TNS1: variants seen among roughly 807,000 people sequenced by gnomAD.
The protein encoded by TNS1 is tensin 1.
TNS1 carries 62 observed loss-of-function variants against 168.6 expected under a neutral mutation model. That is an observed-to-expected ratio of 0.37 (90% CI 0.30 to 0.45). The LOEUF (loss-of-function observed/expected upper bound fraction) is 0.45. TNS1 is among the 20% of genes least tolerant of loss of function. The pLI, the probability that TNS1 is intolerant of heterozygous loss-of-function variation, is 1.00. For synonymous variants in TNS1, 934 were observed against 933.2 expected, an observed-to-expected ratio of 1.00 and a Z score of -0.02; for missense variants, 2,240 against 2,339.4, an observed-to-expected ratio of 0.96 and a Z score of 0.88.
At chr2:217,977,642 C>T (rs1281101089) in intron 3 of TNS1, among the ~76,000 whole-genome samples, 1 of 152,178 alleles carries the variant, frequency 6.6e-6, no homozygotes. Context: ...ATTGAATTCT[C>T]ACAACAACTT....
In TNS1 at chr2:217,893,400, G is replaced by GCGCA. The variant is rs58297965; in HGVS notation, c.717+38_717+39insTGCG. Reference sequence around the variant, plus strand: ...CACACATGTGCGCATGTGCGCGCGCGCACACACACACACACACACACACAC... The same window carrying GCGCA: ...CACACATGTGCGCATGTGCGCGCGCGCGCACACACACACACACACACACACACAC... On this transcript the variant is annotated intron_variant, in intron 10 of 32. Transcript: ENST00000682258. 6.3e-3 allele frequency: 9,095 copies of GCGCA among 1,454,270 alleles called. 13 individuals carry two copies. Among genetic ancestry groups the GCGCA allele is most frequent in the East Asian group, 0.048 (1,939 of 40,262 alleles). The allele number at this position is 1,454,270 out of a possible 1,614,324, so 90.1% of individuals were successfully genotyped here.
In TNS1 at chr2:217,847,871, A is replaced by T. The variant is rs1220234903; in HGVS notation, c.2646T>A (p.His882Gln). The change falls in exon 19 of 33, where the codon CAT becomes CAA. Residue 882 changes from histidine (H) to glutamine (Q), a missense_variant. By Grantham distance (24) the His-to-Gln change is conservative. Coordinates refer to ENST00000682258, the MANE Select transcript of TNS1 (RefSeq NM_001387777.1). ...QPLSGSSRQS[H>Q]PLTQSRSGYI... ...AGCCAGATCTGGACTGGGTCAGTGG[A>T]TGGGACTGACGGGAGGATCCAGAGA... The T allele has an allele frequency of 1.3e-5, 20 of 1,575,682 alleles. No individual in the cohort carries two copies. The highest frequency in any genetic ancestry group is 1.6e-5 in the Non-Finnish European group (19 of 1,151,776).
intron 4 of TNS1, among the ~76,000 whole-genome samples, chr2:217,915,399 C>T (rs535044260): frequency 6.6e-6 from 1 of 152,340 alleles, no homozygotes; most frequent in East Asian, 1.9e-4. Flanking sequence ...AAAGTCCTCT[C>T]CACCCTGTGG....
rs1406702679 is a variant in TNS1 at position 217,847,684 on chromosome 2, G to A, written c.2833C>T (p.Pro945Ser). 3.7e-6 allele frequency: 6 copies of A among 1,600,744 alleles called. No homozygotes were observed. The highest frequency in any genetic ancestry group is 1.7e-5 in the Admixed American group (1 of 59,794). The change falls in exon 19 of 33, where the codon CCT (proline) becomes TCT (serine). Residue 945 changes from proline to serine, a missense_variant. Physicochemically the swap from Pro to Ser is moderately conservative, Grantham distance 74. Coordinates refer to ENST00000682258, the MANE Select transcript of TNS1 (RefSeq NM_001387777.1). ...HSKSPASSSL[P>S]AFLPTTHSPP... ...CTGTGGGTGGTCGGAAGGAAGGCAG[G>A]CAAGGAGGAAGAGGCTGGGCTCTTT...
chr2:218,018,290 A>T (rs1442139800), intron 1 of TNS1, among the ~76,000 whole-genome samples: 1 of 152,188 alleles, frequency 6.6e-6, no homozygotes, highest in African/African-American at 2.4e-5. Flanking sequence ...TATTATTCCC[A>T]TACTGTTCCC....
chr2:217,898,360 C>A (rs1350618017), intron 7 of TNS1, among the ~76,000 whole-genome samples: 1 of 152,248 alleles, frequency 6.6e-6, no homozygotes, highest in Non-Finnish European at 1.5e-5. Context: ...AGGCAGAAGT[C>A]TCCCGAAAGG....
At chr2:217,930,048 C>T (rs1319686586) in intron 3 of TNS1, among the ~76,000 whole-genome samples, 1 of 152,208 alleles carries the variant, frequency 6.6e-6, no homozygotes, top group East Asian at 1.9e-4. Flanking sequence ...GCCATCAGGC[C>T]CTTCGGGACC....
intron 22 of TNS1, chr2:217,830,482 A>G: frequency 6.8e-7 from 1 of 1,475,026 alleles, no homozygotes; most frequent in Admixed American, 2.0e-5. Flanking sequence ...GTGGCCCCAC[A>G]TGGCCACCAA....
intron 1 of TNS1, among the ~76,000 whole-genome samples, chr2:217,997,211 G>A (rs995027592): frequency 5.3e-5 from 8 of 152,066 alleles, no homozygotes; most frequent in African/African-American, 1.2e-4. Flanking sequence ...CAAAAGCTTC[G>A]GAAAAGATGA....
At chr2:217,967,720 A>G (rs1957683470) in intron 3 of TNS1, among the ~76,000 whole-genome samples, 1 of 152,214 alleles carries the variant, frequency 6.6e-6, no homozygotes, top group African/African-American at 2.4e-5. Context: ...TCACAGGTTT[A>G]AATGTTCTCC....
At chr2:217,872,074 T>G (rs539539652) in intron 18 of TNS1, among the ~76,000 whole-genome samples, 32 of 152,374 alleles carry the variant, frequency 2.1e-4, no homozygotes, top group Non-Finnish European at 1.6e-4. Flanking sequence ...AGTCCTTAAC[T>G]TCTCTGTTAC....
At chr2:217,933,282 C>T (rs1054021703) in intron 3 of TNS1, among the ~76,000 whole-genome samples, 30 of 152,186 alleles carry the variant, frequency 2.0e-4, no homozygotes, top group African/African-American at 6.0e-4. Flanking sequence ...CTCTCTGACT[C>T]GGAAAACACT....
rs779913099 is a variant in TNS1, at chr2:217,893,022, C to A, written c.718-10G>T. ...TCCTGCCTCGGTTTCCCTGAAAGAG[C>A]CCCAAACACAAAATCATTTATTTCT... On this transcript the variant is annotated splice_polypyrimidine_tract_variant and intron_variant, in intron 10 of 32. Transcript: ENST00000682258. The A allele has an allele frequency of 1.2e-5, 20 of 1,613,794 alleles. No individual in the cohort carries two copies. In the Admixed American group the frequency reaches 3.3e-4, roughly 27 times the overall value.
chr2:217,902,630 G>A (rs956746229), intron 6 of TNS1, among the ~76,000 whole-genome samples: 1 of 152,148 alleles, frequency 6.6e-6, no homozygotes, highest in Admixed American at 6.5e-5. Context: ...AAAAAAGCCA[G>A]TGAAGATAAA....
intron 18 of TNS1, among the ~76,000 whole-genome samples, chr2:217,865,273 C>T (rs1272880743): frequency 6.6e-6 from 1 of 152,158 alleles, no homozygotes. Flanking sequence ...CAAATAAGCC[C>T]ATCTAGGGCT....
intron 3 of TNS1, among the ~76,000 whole-genome samples, chr2:217,950,004 T>A (rs1435953830): frequency 6.6e-6 from 1 of 152,214 alleles, no homozygotes. Flanking sequence ...CAGGCACTTT[T>A]GGTTGTATTA....
chr2:217,873,423 C>T (rs1949943510), intron 18 of TNS1, among the ~76,000 whole-genome samples: 1 of 152,162 alleles, frequency 6.6e-6, no homozygotes, highest in African/African-American at 2.4e-5. Flanking sequence ...TCAGCAGGTA[C>T]CTGCGGGCGC....
chr2:217,897,559 T>G (rs1952450979), intron 8 of TNS1, among the ~76,000 whole-genome samples: 1 of 152,130 alleles, frequency 6.6e-6, no homozygotes, highest in African/African-American at 2.4e-5. Context: ...AGCACACACA[T>G]GCACACACAG....
intron 31 of TNS1, 81 bp from the exon 32 acceptor site, chr2:217,808,188 C>T: frequency 6.5e-7 from 1 of 1,531,654 alleles, no homozygotes; most frequent in Non-Finnish European, 8.9e-7. Context: ...AGACCCTCTG[C>T]AGGAAGGTCT....
Sources: allele counts gnomAD v4.1 joint callset (sites outside exome capture counted in the v4.1 genomes callset), GRCh38; gene constraint gnomAD v4.1.1; transcripts MANE v1.5; gene names NCBI Gene and HGNC (gene_info 2026-07-23, HGNC 2026-07-21).